PCDH15: variants seen among roughly 807,000 people sequenced by gnomAD.
The protein encoded by PCDH15 is protocadherin related 15.
Under a neutral mutation model 178.5 loss-of-function variants are expected in PCDH15, and 129 were observed. The ratio of observed to expected loss-of-function variants is 0.72; its 90% CI spans 0.63 to 0.84. PCDH15 has a LOEUF of 0.84. Among genes scored for constraint, PCDH15 ranks in the 40% least tolerant of loss-of-function variants. PCDH15 has a pLI of 0.00. For synonymous variants in PCDH15, 800 were observed against 732.0 expected, an observed-to-expected ratio of 1.09 and a Z score of -1.50; for missense variants, 2,230 against 2,099.9, an observed-to-expected ratio of 1.06 and a Z score of -1.21.
chr10:54,753,808 C>T (rs1287684581), intron 1 of PCDH15, among the ~76,000 whole-genome samples: 1 of 151,852 alleles, frequency 6.6e-6, no homozygotes, highest in Non-Finnish European at 1.5e-5. Context: ...GGCTCACTTC[C>T]CTAAATCTGG....
At chr10:54,034,228 C>A (rs74448401) in intron 18 of PCDH15, among the ~76,000 whole-genome samples, 2,478 of 152,060 alleles carry the variant, frequency 0.016, 65 homozygotes, top group African/African-American at 0.057. Context: ...TACTATCAAT[C>A]ATTTCATTTG....
At chr10:55,364,311 A>T (rs1273061726) in intron 2 of PCDH15, among the ~76,000 whole-genome samples, 1 of 152,172 alleles carries the variant, frequency 6.6e-6, no homozygotes, top group Non-Finnish European at 1.5e-5. Flanking sequence ...GGATTAATAC[A>T]TTATTCCTCA....
intron 2 of PCDH15, among the ~76,000 whole-genome samples, chr10:55,159,681 G>A (rs1383657572): frequency 6.8e-6 from 1 of 146,972 alleles, no homozygotes; most frequent in African/African-American, 2.5e-5. Context: ...TCTTTATAAA[G>A]AGATATATTT....
At chr10:54,198,402 A>C (rs1040695978) in intron 10 of PCDH15, among the ~76,000 whole-genome samples, 4 of 151,444 alleles carry the variant, frequency 2.6e-5, no homozygotes, top group African/African-American at 9.7e-5. Context: ...TCACTCTTAC[A>C]GGCTCAGAGC....
intron 1 of PCDH15, among the ~76,000 whole-genome samples, chr10:55,228,168 C>T (rs752651511): frequency 1.8e-4 from 28 of 152,166 alleles, no homozygotes; most frequent in Admixed American, 5.2e-4. Flanking sequence ...GTGGGTGAAA[C>T]ATAATAAGCA....
At chr10:55,440,734 C>CTATTAGAAATCATTTTTTCCAA (rs1839164615) in intron 2 of PCDH15, among the ~76,000 whole-genome samples, 1 of 152,104 alleles carries the variant, frequency 6.6e-6, no homozygotes, top group South Asian at 2.1e-4. Flanking sequence ...AGTCCGTTTT[C>CTATTAGAAATCATTTTTTCCAA]ACACTGCTGA....
intron 3 of PCDH15, among the ~76,000 whole-genome samples, chr10:54,464,034 T>G (rs1187369544): frequency 1.3e-5 from 2 of 152,090 alleles, no homozygotes; most frequent in East Asian, 1.9e-4. Flanking sequence ...GGACAGGGGT[T>G]TGTGGCGGTT....
At chr10:55,040,722 A>G (rs11004697) in intron 2 of PCDH15, among the ~76,000 whole-genome samples, 11,570 of 152,198 alleles carry the variant, frequency 0.076, 695 homozygotes, top group African/African-American at 0.16. Flanking sequence ...TTTAGAAAAT[A>G]ATATCTTGAG....
chr10:53,855,503 C>T (rs1271709006), intron 28 of PCDH15, among the ~76,000 whole-genome samples: 1 of 152,030 alleles, frequency 6.6e-6, no homozygotes, highest in African/African-American at 2.4e-5. Flanking sequence ...ATTTACATGA[C>T]ACCAAAAGGT....
In PCDH15 at chr10:54,116,854, T is replaced by C. The variant is rs192983648; in HGVS notation, c.1917+16021A>G. On this transcript the variant is annotated intron_variant, in intron 15 of 37. Transcript: ENST00000644397. ...TAAAATGGCTTTCATTTTACATCTT[T>C]TGTATTTCATTTTTCTAGTAATTCA... Among the ~76,000 whole-genome samples the C allele has an allele frequency of 9.2e-5, 14 of 152,334 alleles. No individual in the cohort carries two copies. The East Asian group carries it at 2.3e-3, about 25-fold the overall frequency.
chr10:54,168,895 A>G (rs2046552865), intron 13 of PCDH15, among the ~76,000 whole-genome samples: 1 of 151,976 alleles, frequency 6.6e-6, no homozygotes, highest in African/African-American at 2.4e-5. Flanking sequence ...GTACAATAAT[A>G]GAAAAATGTT....
At chr10:55,167,467 T>C (rs1839226545) in intron 1 of PCDH15, among the ~76,000 whole-genome samples, 1 of 152,202 alleles carries the variant, frequency 6.6e-6, no homozygotes, top group Non-Finnish European at 1.5e-5. Context: ...TTTATACCAA[T>C]AATTTTATTA....
intron 1 of PCDH15, among the ~76,000 whole-genome samples, chr10:54,749,105 A>T (rs1489602757): frequency 1.3e-5 from 2 of 151,940 alleles, no homozygotes; most frequent in Non-Finnish European, 2.9e-5. Context: ...TGCTGTAGGA[A>T]GAAAGACCTA....
At chr10:54,424,362 G>A (rs1165853645) in intron 3 of PCDH15, among the ~76,000 whole-genome samples, 3 of 151,848 alleles carry the variant, frequency 2.0e-5, no homozygotes, top group Non-Finnish European at 2.9e-5. Context: ...GGAAACAACA[G>A]GTGCTGGAGA....
intron 37 of PCDH15, among the ~76,000 whole-genome samples, chr10:53,807,601 A>G (rs891764516): frequency 1.3e-5 from 2 of 152,142 alleles, no homozygotes; most frequent in Non-Finnish European, 2.9e-5. Context: ...TGTATTCTCT[A>G]GTTAGCGAAA....
intron 11 of PCDH15, among the ~76,000 whole-genome samples, chr10:54,191,473 G>A (rs1308953571): frequency 6.6e-6 from 1 of 152,148 alleles, no homozygotes; most frequent in Non-Finnish European, 1.5e-5. Context: ...CTTGGCACAT[G>A]AAAGAAACGA....
At chr10:54,146,104 AT>A (rs2043879227) in intron 14 of PCDH15, among the ~76,000 whole-genome samples, 1 of 151,680 alleles carries the variant, frequency 6.6e-6, no homozygotes, top group Non-Finnish European at 1.5e-5. Context: ...AACTTAGACA[AT>A]TTTTATAAAA....
At chr10:53,967,663 A>C (rs2089189218) in intron 21 of PCDH15, among the ~76,000 whole-genome samples, 1 of 152,204 alleles carries the variant, frequency 6.6e-6, no homozygotes, top group South Asian at 2.1e-4. Flanking sequence ...CAATAAGTTA[A>C]TGTTTCTTTC....
intron 18 of PCDH15, among the ~76,000 whole-genome samples, chr10:54,051,730 T>C (rs2093778773): frequency 6.6e-6 from 1 of 152,150 alleles, no homozygotes; most frequent in African/African-American, 2.4e-5. Flanking sequence ...AGGAACCAAA[T>C]GCTAATCACC....
Sources: allele counts gnomAD v4.1 joint callset (sites outside exome capture counted in the v4.1 genomes callset), GRCh38; gene constraint gnomAD v4.1.1; transcripts MANE v1.5; gene names NCBI Gene and HGNC (gene_info 2026-07-23, HGNC 2026-07-21).